The following PDE7B variants were observed in gnomAD, a reference collection of about 807,000 sequenced individuals.
PDE7B encodes the protein 3',5'-cyclic-AMP phosphodiesterase 7B.
A neutral mutation model predicts 56.2 loss-of-function variants in PDE7B; 29 were observed. The ratio of observed to expected loss-of-function variants is 0.52; its 90% CI spans 0.38 to 0.70. The LOEUF (loss-of-function observed/expected upper bound fraction) is 0.70. Ranked by LOEUF, PDE7B falls within the 30% of genes least tolerant of loss-of-function variation. The pLI is 0.00. For missense variants in PDE7B, 490 were observed against 565.0 expected, an observed-to-expected ratio of 0.87 and a Z score of 1.35; for synonymous variants, 197 against 196.9, an observed-to-expected ratio of 1.00 and a Z score of 0.00.
intron 2 of PDE7B, chr6:136,070,158 A>T (rs866702259): frequency 7.2e-5 from 11 of 152,014 alleles, no homozygotes; most frequent in African/African-American, 2.4e-4. Flanking sequence ...AAAAAAAAAA[A>T]ACAGAAGATT....
chr6:135,994,174 T>C (rs1273980655), intron 2 of PDE7B, among the ~76,000 whole-genome samples: 2 of 149,988 alleles, frequency 1.3e-5, no homozygotes, highest in South Asian at 2.1e-4. Flanking sequence ...GTTTTATGTA[T>C]ATTAAGAAGG....
intron 9 of PDE7B, 36 bp downstream of exon 9, chr6:136,173,924 T>C (rs376557402): frequency 4.2e-6 from 6 of 1,442,782 alleles, no homozygotes; most frequent in African/African-American, 1.4e-5. Context: ...CTGATGTGCA[T>C]GCAGTAAAGA....
intron 9 of PDE7B, among the ~76,000 whole-genome samples, chr6:136,175,490 G>C (rs1255001710): frequency 5.9e-5 from 9 of 152,090 alleles, no homozygotes; most frequent in Non-Finnish European, 7.4e-5. Context: ...GAAACTGCTA[G>C]TAATCCTGCC....
At chr6:136,151,596 A>G (rs1429883863) in intron 6 of PDE7B, among the ~76,000 whole-genome samples, 1 of 152,208 alleles carries the variant, frequency 6.6e-6, no homozygotes, top group African/African-American at 2.4e-5. Flanking sequence ...GTTAATTAAC[A>G]CATACTTTTT....
intron 9 of PDE7B, among the ~76,000 whole-genome samples, chr6:136,177,435 T>A (rs372825815): frequency 8.5e-5 from 13 of 152,158 alleles, no homozygotes; most frequent in Admixed American, 6.5e-4. Context: ...ATTTAAAATA[T>A]GCAAAGAACC....
chr6:135,895,441 T>A (rs1031092232), intron 1 of PDE7B, among the ~76,000 whole-genome samples: 5 of 152,136 alleles, frequency 3.3e-5, no homozygotes, highest in Admixed American at 1.3e-4. Flanking sequence ...AGAGACCTGG[T>A]GCCCTGACCT....
chr6:136,106,705 G>T (rs1187177105), intron 2 of PDE7B, among the ~76,000 whole-genome samples: 1 of 152,042 alleles, frequency 6.6e-6, no homozygotes, highest in Non-Finnish European at 1.5e-5. Context: ...GGTCCAATGA[G>T]AAAAAACAAG....
intron 1 of PDE7B, among the ~76,000 whole-genome samples, chr6:135,937,970 G>C (rs1031574287): frequency 1.3e-5 from 2 of 152,142 alleles, no homozygotes; most frequent in Non-Finnish European, 2.9e-5. Flanking sequence ...GCCCCATTAT[G>C]GTTTTAGGGT....
chr6:136,158,478 C>A (rs1057176956), intron 8 of PDE7B, among the ~76,000 whole-genome samples: 19 of 152,156 alleles, frequency 1.2e-4, no homozygotes, highest in African/African-American at 4.6e-4. Context: ...TGCCACAATC[C>A]AGACTTACTA....
intron 2 of PDE7B, among the ~76,000 whole-genome samples, chr6:136,005,884 T>C (rs1193858965): frequency 6.6e-6 from 1 of 152,138 alleles, no homozygotes; most frequent in Admixed American, 6.5e-5. Context: ...TAAATCATAC[T>C]GCTATAAAGA....
chr6:136,092,157 T>C (rs1777398072), intron 2 of PDE7B, among the ~76,000 whole-genome samples: 1 of 152,232 alleles, frequency 6.6e-6, no homozygotes, highest in Non-Finnish European at 1.5e-5. Flanking sequence ...AGGTATTCAA[T>C]GAAGATTGAC....
intron 3 of PDE7B, among the ~76,000 whole-genome samples, chr6:136,141,135 G>A (rs866491044): frequency 7.2e-5 from 11 of 152,046 alleles, no homozygotes; most frequent in Non-Finnish European, 1.2e-4. Context: ...TTTGAGATAC[G>A]TCCCATCAGT....
At chr6:136,126,606 G>A (rs1403421559) in intron 3 of PDE7B, among the ~76,000 whole-genome samples, 1 of 152,102 alleles carries the variant, frequency 6.6e-6, no homozygotes, top group Admixed American at 6.6e-5. Flanking sequence ...TATAAATGAT[G>A]GAATACCACT....
chr6:135,996,860 C>T lies in PDE7B; in HGVS notation c.82+49336C>T, dbSNP rs190737301. On this transcript the variant is annotated intron_variant, in intron 2 of 12. Transcript: ENST00000308191. ...TATACTGTTTGGTATTTTCTCCTTC[C>T]GAGAAATAGCAATACCCACTTAGAG... 1.5e-3 allele frequency among the ~76,000 whole-genome samples: 221 copies of T among 152,074 alleles called. 1 individual carries two copies. The highest frequency in any genetic ancestry group is 3.4e-3 in the Middle Eastern group (1 of 294).
At chr6:136,174,942 G>T (rs1021929645) in intron 9 of PDE7B, among the ~76,000 whole-genome samples, 3 of 152,074 alleles carry the variant, frequency 2.0e-5, no homozygotes, top group Non-Finnish European at 2.9e-5. Context: ...TAGAGCAAAA[G>T]ATCAAGTGAG....
At chr6:135,858,185 C>T (rs1170394677) in intron 1 of PDE7B, among the ~76,000 whole-genome samples, 1 of 151,982 alleles carries the variant, frequency 6.6e-6, no homozygotes, top group Non-Finnish European at 1.5e-5. Flanking sequence ...CAGAGTCCTG[C>T]TCTGTTGCCC....
At chr6:136,030,914 C>A (rs1199059207) in intron 2 of PDE7B, among the ~76,000 whole-genome samples, 2 of 152,224 alleles carry the variant, frequency 1.3e-5, no homozygotes, top group Middle Eastern at 3.2e-3. Context: ...CTTTAAGATT[C>A]TATCACATAT....
At chr6:135,938,875 TA>T (rs1183525775) in intron 1 of PDE7B, among the ~76,000 whole-genome samples, 5 of 152,088 alleles carry the variant, frequency 3.3e-5, no homozygotes, top group African/African-American at 1.2e-4. Context: ...GCTTAATAAC[TA>T]AAAAAATAAA....
chr6:136,179,348 A>T (rs769987684), intron 10 of PDE7B, among the ~76,000 whole-genome samples: 1 of 152,144 alleles, frequency 6.6e-6, no homozygotes, highest in Non-Finnish European at 1.5e-5. Flanking sequence ...CTCTAAAAAA[A>T]CACAAAACAA....
Sources: gnomAD v4.1 joint callset for allele counts (sites outside exome capture counted in the v4.1 genomes callset) on GRCh38, gnomAD v4.1.1 for gene constraint, MANE v1.5 for transcripts, NCBI Gene and HGNC (gene_info 2026-07-23, HGNC 2026-07-21) for gene names.